Variants in UBAP2 observed in about 807,000 individuals in gnomAD.
UBAP2 encodes ubiquitin associated protein 2, also known as ubiquitin-associated protein 2.
In UBAP2, 75 loss-of-function variants were observed where a neutral mutation model predicts 139.6. The observed-to-expected ratio is 0.54, with a 90% confidence interval of 0.45 to 0.65. The LOEUF (loss-of-function observed/expected upper bound fraction) is 0.65, where lower values mean the gene tolerates loss of function less well. UBAP2 is among the 30% of genes least tolerant of loss of function. UBAP2 has a pLI of 0.00. For synonymous variants in UBAP2, 526 were observed against 526.2 expected (o/e 1.00, Z 0.01); for missense variants, 1,368 against 1,369.6 (o/e 1.00, Z 0.02).
chr9:33,925,934 C>G (rs1823390895), intron 22 of UBAP2, among the ~76,000 whole-genome samples: 1 of 152,216 alleles, frequency 6.6e-6, no homozygotes, highest in South Asian at 2.1e-4. Flanking sequence ...TGCCCATGGG[C>G]AGGGCAAGGA....
intron 6 of UBAP2, among the ~76,000 whole-genome samples, chr9:33,984,684 GA>G (rs71302885): frequency 6.9e-6 from 1 of 145,530 alleles, no homozygotes. Context: ...TCTCTTAAGA[GA>G]AAAAAAAACA....
In UBAP2 at chr9:33,996,227, T is replaced by C. The variant is rs1822186402; in HGVS notation, c.284A>G (p.Asp95Gly). ...AINILLEGNS[D>G]TTSWETVGCK... ...AAATCAATTAATAATACTTACTGTGTCTGAATTCCCTTCCAGCAATATATT... is the reference window on the plus strand; with the variant it reads ...AAATCAATTAATAATACTTACTGTGCCTGAATTCCCTTCCAGCAATATATT... The change falls in exon 4 of 29, where the codon GAC becomes GGC. Residue 95 changes from aspartate to glycine, a missense_variant. Transcript: ENST00000379238. 1.2e-6 allele frequency: 2 copies of C among 1,607,624 alleles called. No homozygotes were observed. The highest frequency in any genetic ancestry group is 1.7e-6 in the Non-Finnish European group (2 of 1,174,874).
intron 3 of UBAP2, chr9:33,998,017 G>A (rs1396352103): frequency 6.6e-6 from 1 of 152,162 alleles, no homozygotes; most frequent in East Asian, 1.9e-4. Context: ...TTAAGACTAA[G>A]TTATCAAAAA....
At position 33,924,238 on chromosome 9, in the gene UBAP2, C is replaced by A. The variant is rs768127613; in HGVS notation, c.2558G>T (p.Arg853Leu). The A allele has an allele frequency of 1.2e-6, 2 of 1,614,066 alleles. No homozygotes were observed. The highest frequency in any genetic ancestry group is 1.3e-5 in the African/African-American group (1 of 74,928). ...TGGATTATTAGCTAGGCTCCCATCT[C>A]GGCTGGCAAGCGCTGTGGGTGCAGC... ...PFAAPTALAS[R>L]DGSLANNPYP... Residue 853 changes from arginine (R) to leucine (L), a missense_variant, in exon 23 of 29, where the codon CGA (arginine) becomes CTA (leucine). Physicochemically the swap from Arg to Leu is moderately radical, Grantham distance 102. Transcript: ENST00000379238.
intron 10 of UBAP2, among the ~76,000 whole-genome samples, chr9:33,960,131 G>T (rs1157021007): frequency 6.6e-6 from 1 of 151,634 alleles, no homozygotes; most frequent in Non-Finnish European, 1.5e-5. Context: ...AGAGACAGGG[G>T]TCTCACTTTG....
intron 4 of UBAP2, among the ~76,000 whole-genome samples, chr9:33,989,392 G>A (rs1029060986): frequency 6.6e-6 from 1 of 152,040 alleles, no homozygotes; most frequent in African/African-American, 2.4e-5. Flanking sequence ...TAGTGGAGAT[G>A]GGGTTTCATC....
intron 6 of UBAP2, among the ~76,000 whole-genome samples, chr9:33,978,257 G>T (rs911169452): frequency 1.3e-5 from 2 of 151,830 alleles, no homozygotes; most frequent in African/African-American, 4.8e-5. Flanking sequence ...ACGTAAGCTG[G>T]GTCTGGTGGC....
At chr9:33,985,769 C>A (rs771034160) in intron 6 of UBAP2, among the ~76,000 whole-genome samples, 3 of 151,978 alleles carry the variant, frequency 2.0e-5, no homozygotes, top group Non-Finnish European at 2.9e-5. Flanking sequence ...TGCCTGTAAT[C>A]CTACCGCTTT....
chr9:34,041,595 G>A (rs563182355), intron 1 of UBAP2, among the ~76,000 whole-genome samples: 9 of 152,192 alleles, frequency 5.9e-5, no homozygotes, highest in African/African-American at 1.9e-4. Context: ...TACTCGGGAG[G>A]CCGAGGCAGG....
chr9:34,034,381 C>T (rs1278003655), intron 1 of UBAP2, among the ~76,000 whole-genome samples: 1 of 152,120 alleles, frequency 6.6e-6, no homozygotes, highest in Non-Finnish European at 1.5e-5. Context: ...ATTACTTAAT[C>T]ACTCATGCCA....
chr9:33,989,508 G>A (rs1179694011), intron 4 of UBAP2, among the ~76,000 whole-genome samples: 4 of 152,082 alleles, frequency 2.6e-5, no homozygotes, highest in African/African-American at 7.2e-5. Context: ...GCACATGCAC[G>A]TATCTTTCAA....
chr9:33,998,677 ACTAGAAG>A lies in UBAP2; in HGVS notation c.177+103_177+109del, dbSNP rs1822409915. 1.7e-4 allele frequency: 161 copies of A among 920,460 alleles called. 3 individuals are homozygous for A. In the South Asian group the frequency reaches 2.7e-3, roughly 15 times the overall value. 57.0% of individuals were successfully genotyped at this position (920,460 alleles called of 1,614,324 possible). A position where few individuals can be genotyped will look rare whatever the true frequency, so the allele number is the denominator to read the frequency against. On this transcript the variant is annotated intron_variant, in intron 3 of 28. Transcript: ENST00000379238. ...ATCCAATATACAGATTTCAGGTGAG[ACTAGAAG>A]CTAGAAGTAATACTTTAAAACAAAA... is the stretch of plus-strand genomic sequence containing the variant.
chr9:33,980,620 T>C (rs560642362), intron 6 of UBAP2, among the ~76,000 whole-genome samples: 21 of 152,132 alleles, frequency 1.4e-4, no homozygotes, highest in African/African-American at 4.8e-4. Flanking sequence ...ATTAAGTATA[T>C]TGATATCTTT....
intron 8 of UBAP2, among the ~76,000 whole-genome samples, chr9:33,966,698 G>A (rs1180638432): frequency 6.6e-6 from 1 of 151,776 alleles, no homozygotes; most frequent in East Asian, 1.9e-4. Context: ...ACTATTTCTT[G>A]TTTTTTTGGT....
Position 33,923,317 on chromosome 9 carries a change from C to CA in UBAP2, c.2897-25dup, listed in dbSNP as rs780595914. ...ACCTAGCGTGGCAGGGTACAAGAGGCAAGTGTGAGCCAGGCAAGCCTGTCT... is the reference window on the plus strand; with the variant it reads ...ACCTAGCGTGGCAGGGTACAAGAGGCAAAGTGTGAGCCAGGCAAGCCTGTCT... On this transcript the variant is annotated intron_variant, in intron 25 of 28. Coordinates refer to ENST00000379238, the MANE Select transcript of UBAP2 (RefSeq NM_001370062.2). 1.2e-5 allele frequency: 20 copies of CA among 1,613,948 alleles called. No homozygotes were observed. In the South Asian group the frequency reaches 1.9e-4, roughly 15 times the overall value.
At chr9:33,983,195 T>C (rs770551181) in intron 6 of UBAP2, among the ~76,000 whole-genome samples, 4 of 152,110 alleles carry the variant, frequency 2.6e-5, no homozygotes, top group Non-Finnish European at 5.9e-5. Context: ...AATGTGTTTT[T>C]ATAACAATAA....
At chr9:33,988,534 T>C (rs149123312) in intron 5 of UBAP2, among the ~76,000 whole-genome samples, 5 of 152,356 alleles carry the variant, frequency 3.3e-5, no homozygotes, top group African/African-American at 1.2e-4. Context: ...TGAGTGTCTA[T>C]AAATGGAGAA....
At chr9:33,937,508 G>A (rs1013365892) in intron 16 of UBAP2, among the ~76,000 whole-genome samples, 1 of 149,438 alleles carries the variant, frequency 6.7e-6, no homozygotes, top group African/African-American at 2.5e-5. Flanking sequence ...TCGGGAGGCT[G>A]AGGAAAGAGA....
chr9:34,048,474 G>C (rs988850401), intron 1 of UBAP2, among the ~76,000 whole-genome samples: 6 of 152,214 alleles, frequency 3.9e-5, no homozygotes, highest in African/African-American at 1.4e-4. Flanking sequence ...GGAAGCTCCA[G>C]TCTACTGGCA....
Sources: allele counts gnomAD v4.1 joint callset (sites outside exome capture counted in the v4.1 genomes callset), GRCh38; gene constraint gnomAD v4.1.1; transcripts MANE v1.5; gene names NCBI Gene and HGNC (gene_info 2026-07-23, HGNC 2026-07-21).